The following HELZ variants were observed in gnomAD, a reference collection of about 807,000 sequenced individuals.
The protein encoded by HELZ is helicase with zinc finger.
Under a neutral mutation model 218.2 loss-of-function variants are expected in HELZ, and 23 were observed. The ratio of observed to expected loss-of-function variants is 0.11; its 90% CI spans 0.08 to 0.15. The LOEUF (loss-of-function observed/expected upper bound fraction) is 0.15, where lower values mean the gene tolerates loss of function less well. Among genes scored for constraint, HELZ ranks in the 10% least tolerant of loss-of-function variants. HELZ has a pLI of 1.00. For synonymous variants in HELZ, 814 were observed against 829.4 expected (o/e 0.98, Z 0.32); for missense variants, 1,813 against 2,353.7 (o/e 0.77, Z 4.75).
At chr17:67,222,330 A>G (rs1463095623) in intron 3 of HELZ, among the ~76,000 whole-genome samples, 1 of 152,240 alleles carries the variant, frequency 6.6e-6, no homozygotes, top group African/African-American at 2.4e-5. Flanking sequence ...GTCACTGACA[A>G]GGACTAGCTA....
At chr17:67,161,719 T>C (rs1334147904) in intron 15 of HELZ, among the ~76,000 whole-genome samples, 1 of 152,208 alleles carries the variant, frequency 6.6e-6, no homozygotes, top group Non-Finnish European at 1.5e-5. Context: ...ACATATTATA[T>C]TGGTCAAAGT....
chr17:67,141,603 G>T (rs570425836), intron 21 of HELZ, among the ~76,000 whole-genome samples: 1 of 151,850 alleles, frequency 6.6e-6, no homozygotes, highest in Non-Finnish European at 1.5e-5. Flanking sequence ...AAGGAAGGGG[G>T]AATAGAGCTA....
At chr17:67,197,686 G>A (rs2040067711) in intron 7 of HELZ, among the ~76,000 whole-genome samples, 1 of 152,188 alleles carries the variant, frequency 6.6e-6, no homozygotes, top group African/African-American at 2.4e-5. Flanking sequence ...GGAATATCTT[G>A]TACCATAGAA....
Position 67,195,469 on chromosome 17 carries a change from G to T in HELZ, c.431C>A (p.Thr144Lys). 1 of 1,592,830 alleles carries T rather than the reference G, an allele frequency of 6.3e-7. No homozygotes were observed. Among genetic ancestry groups the T allele is most frequent in the Non-Finnish European group, 8.6e-7 (1 of 1,161,144 alleles). The change falls in exon 8 of 33, where the codon ACA (threonine) becomes AAA (lysine). Residue 144 changes from threonine to lysine, a missense_variant and splice_region_variant. Physicochemically the swap from Thr to Lys is moderately conservative, Grantham distance 78. Coordinates refer to ENST00000358691, the MANE Select transcript of HELZ (RefSeq NM_014877.4). ...RLKTLLSETETATSNALSGYH... is the reference protein window; with the variant it reads ...RLKTLLSETEKATSNALSGYH... The stretch of plus-strand genomic sequence containing the variant: ...TCCAGAGAGGGCGTTACTAGTTGCT[G>T]TCTGCAATTTTCCAAATGAAAGAAT...
intron 3 of HELZ, among the ~76,000 whole-genome samples, chr17:67,235,074 G>A (rs893608329): frequency 8.5e-5 from 13 of 152,076 alleles, no homozygotes; most frequent in Non-Finnish European, 1.6e-4. Context: ...CCTTGTCAAC[G>A]GAACAATGTT....
At chr17:67,112,074 A>T (rs2037297511) in intron 28 of HELZ, among the ~76,000 whole-genome samples, 1 of 152,142 alleles carries the variant, frequency 6.6e-6, no homozygotes, top group African/African-American at 2.4e-5. Flanking sequence ...TGGCTCCCTA[A>T]GCAAGGTAGA....
At position 67,111,755 on chromosome 17, in the gene HELZ, T is replaced by C. The variant is rs373025096; in HGVS notation, c.3919-2069A>G. On this transcript the variant is annotated intron_variant, in intron 28 of 32. Transcript: ENST00000358691. ...AATTCTATCTCAGTTTTCCCAAGTATGCAATGCCTGCTCTTCAGATGTCTC... is the reference window on the plus strand; with the variant it reads ...AATTCTATCTCAGTTTTCCCAAGTACGCAATGCCTGCTCTTCAGATGTCTC... Among the ~76,000 whole-genome samples, 9 of 150,748 alleles carry C rather than the reference T, an allele frequency of 6.0e-5. No homozygotes were observed. In the East Asian group the frequency reaches 8.0e-4, roughly 13 times the overall value.
At chr17:67,223,091 CAAAAAAA>C (rs1170812696) in intron 3 of HELZ, among the ~76,000 whole-genome samples, 9 of 95,158 alleles carry the variant, frequency 9.5e-5, no homozygotes, top group South Asian at 3.5e-4. Flanking sequence ...ACTAAAAATA[CAAAAAAA>C]AAAAAAAAAA....
chr17:67,192,520 C>A (rs780591832), intron 9 of HELZ, among the ~76,000 whole-genome samples: 8 of 152,096 alleles, frequency 5.3e-5, no homozygotes, highest in Non-Finnish European at 8.8e-5. Context: ...TGGGCCAAAT[C>A]TTTGTCTTTC....
chr17:67,166,723 T>TA, intron 14 of HELZ, 115 bp from the exon 15 acceptor site: 1 of 797,528 alleles, frequency 1.3e-6, no homozygotes. Flanking sequence ...GAGATTCTTT[T>TA]AAAGTATAAT....
chr17:67,086,035 C>T (rs1288691851), intron 32 of HELZ, among the ~76,000 whole-genome samples: 2 of 152,178 alleles, frequency 1.3e-5, no homozygotes, highest in African/African-American at 4.8e-5. Flanking sequence ...ACTGGTCTCT[C>T]TCGTGGCCAA....
chr17:67,175,547 C>T (rs780494889), intron 13 of HELZ, among the ~76,000 whole-genome samples: 2 of 152,194 alleles, frequency 1.3e-5, no homozygotes, highest in Non-Finnish European at 2.9e-5. Flanking sequence ...TGAAAATCTT[C>T]ACAATCTATG....
At chr17:67,170,394 A>G (rs2039272827) in intron 13 of HELZ, among the ~76,000 whole-genome samples, 4 of 152,150 alleles carry the variant, frequency 2.6e-5, no homozygotes, top group Admixed American at 2.6e-4. Context: ...ACATGCCTGT[A>G]ATCCCGGCTA....
intron 24 of HELZ, among the ~76,000 whole-genome samples, chr17:67,126,077 C>A (rs548219785): frequency 6.6e-5 from 10 of 152,300 alleles, no homozygotes; most frequent in African/African-American, 2.2e-4. Flanking sequence ...GAAGCAGATT[C>A]TTTCCAGAGC....
At chr17:67,139,669 T>C (rs1205361337) in intron 21 of HELZ, among the ~76,000 whole-genome samples, 2 of 152,120 alleles carry the variant, frequency 1.3e-5, no homozygotes, top group African/African-American at 2.4e-5. Flanking sequence ...GAAGCATCCA[T>C]CTATTCAACA....
At chr17:67,141,439 AAAGT>A (rs2038321016) in intron 21 of HELZ, among the ~76,000 whole-genome samples, 2 of 151,722 alleles carry the variant, frequency 1.3e-5, no homozygotes. Context: ...AAAATTATAT[AAAGT>A]AATAATTATA....
chr17:67,094,335 G>C (rs577284569), intron 31 of HELZ, among the ~76,000 whole-genome samples: 1 of 132,802 alleles, frequency 7.5e-6, no homozygotes, highest in Admixed American at 7.1e-5. Flanking sequence ...AAAAAAAAAA[G>C]AGAGAGAGAG....
At chr17:67,100,754 A>G (rs2036899564) in intron 31 of HELZ, among the ~76,000 whole-genome samples, 1 of 152,142 alleles carries the variant, frequency 6.6e-6, no homozygotes, top group South Asian at 2.1e-4. Context: ...TTAAATGAAG[A>G]TGCTACAGAT....
rs1333570085 is a variant in HELZ, at chr17:67,078,405, G to A, written c.5676C>T (p.Pro1892=). 1.9e-6 allele frequency: 3 copies of A among 1,601,088 alleles called. No homozygotes were observed. Among genetic ancestry groups the A allele is most frequent in the African/African-American group, 1.3e-5 (1 of 74,172 alleles). ...SSPQSSAGGK[P]AMSYASALRA... Reference sequence around the variant, plus strand: ...GCAGAGCGCTGGCATAGGACATGGCGGGCTTGCCCCCCGCAGAGCTCTGGG... The same window carrying A: ...GCAGAGCGCTGGCATAGGACATGGCAGGCTTGCCCCCCGCAGAGCTCTGGG... The change falls in exon 33 of 33, where the codon CCC becomes CCT. Residue 1892 remains proline, a synonymous_variant. Coordinates refer to ENST00000358691, the MANE Select transcript of HELZ (RefSeq NM_014877.4).
Sources: allele counts gnomAD v4.1 joint callset (sites outside exome capture counted in the v4.1 genomes callset), GRCh38; gene constraint gnomAD v4.1.1; transcripts MANE v1.5; gene names NCBI Gene and HGNC (gene_info 2026-07-23, HGNC 2026-07-21).